Variants in TRPM2 observed in about 807,000 individuals in gnomAD.
TRPM2 encodes estrogen-responsive element-associated gene 1 protein.
Under a neutral mutation model 174.0 loss-of-function variants are expected in TRPM2, and 161 were observed. The observed-to-expected ratio is 0.93, with a 90% CI of 0.81 to 1.05. The LOEUF (loss-of-function observed/expected upper bound fraction) is 1.05, where lower values mean the gene tolerates loss of function less well. TRPM2 is among the 50% of genes least tolerant of loss of function. The pLI, the probability that TRPM2 is intolerant of heterozygous loss-of-function variation, is 0.00. For synonymous variants in TRPM2, 954 were observed against 861.3 expected (o/e 1.11, Z -1.88); for missense variants, 2,057 against 2,038.0 (o/e 1.01, Z -0.18).
upstream of TRPM2, among the ~76,000 whole-genome samples, chr21:44,352,449 G>T (rs1445102630): frequency 6.6e-6 from 1 of 152,262 alleles, no homozygotes; most frequent in East Asian, 1.9e-4. Context: ...GAGGGGCTCA[G>T]TCACCTAATG....
At chr21:44,426,899 C>A in intron 26 of TRPM2, 111 bp from the exon 27 acceptor site, 2 of 1,348,598 alleles carry the variant, frequency 1.5e-6, no homozygotes, top group Non-Finnish European at 2.1e-6. Context: ...TGTGTACACC[C>A]AGCCTGCAGC....
At chr21:44,422,203 G>A in intron 22 of TRPM2, 2 of 1,503,038 alleles carry the variant, frequency 1.3e-6, no homozygotes, top group Non-Finnish European at 1.8e-6. Context: ...GGAGGCGCAT[G>A]AGTGTGGGGT....
chr21:44,361,984 C>T (rs138390301), intron 2 of TRPM2, among the ~76,000 whole-genome samples: 111 of 152,358 alleles, frequency 7.3e-4, no homozygotes, highest in Admixed American at 6.5e-4. Flanking sequence ...GTTCGGATTA[C>T]AGGCGTGAGC....
In TRPM2 at chr21:44,441,644, C is replaced by T. The variant is rs780215011; in HGVS notation, c.4387-48C>T. ...CTGCAGTCCGTAGGGCTCAGCTGGGCAGAGGCAGGGCTGGCGGGGAGGGTC... is the reference window on the plus strand; with the variant it reads ...CTGCAGTCCGTAGGGCTCAGCTGGGTAGAGGCAGGGCTGGCGGGGAGGGTC... On this transcript the variant is annotated intron_variant, in intron 31 of 31. Coordinates refer to ENST00000397928, the MANE Select transcript of TRPM2 (RefSeq NM_003307.4). The T allele has an allele frequency of 3.8e-6, 6 of 1,572,498 alleles. No individual in the cohort carries two copies. The Admixed American group carries it at 5.2e-5, about 14-fold the overall frequency.
rs1464030736 is a variant in TRPM2, at chr21:44,406,019, C to A, written c.2772C>A (p.Ile924=). ...TCAGTAAGACGCTGGGGCCCAAGAT[C>A]ATCATTGTGAAGCGGATGGTAAGGG... ...FTISKTLGPK[I]IIVKRMMKDV... The change falls in exon 18 of 32, where the codon ATC becomes ATA. Residue 924 remains isoleucine, a synonymous_variant. Transcript: ENST00000397928. 5.0e-6 allele frequency: 8 copies of A among 1,607,402 alleles called. No individual in the cohort carries two copies. The highest frequency in any genetic ancestry group is 8.5e-7 in the Non-Finnish European group (1 of 1,179,716).
chr21:44,395,607 T>G, intron 12 of TRPM2, 56 bp downstream of exon 12: 2 of 1,604,294 alleles, frequency 1.2e-6, no homozygotes, highest in South Asian at 1.1e-5. Context: ...AGCGGCCAGC[T>G]GGGGAGTGTG....
Position 44,397,752 on chromosome 21 carries a change from G to A in TRPM2, c.1938G>A (p.Gln646=). The change falls in exon 13 of 32, where the codon CAG becomes CAA. Residue 646 remains glutamine (Q), a synonymous_variant. Coordinates refer to ENST00000397928, the MANE Select transcript of TRPM2 (RefSeq NM_003307.4). ...ELAGIIWAQS[Q]DCIAAALACS... ...GTGGCTCCTCTGGTCCCCAGAGCCA[G>A]GACTGCATCGCAGCGGCCTTGGCCT... The A allele has an allele frequency of 3.2e-6, 5 of 1,585,238 alleles. No homozygotes were observed. Among genetic ancestry groups the A allele is most frequent in the Non-Finnish European group, 4.3e-6 (5 of 1,164,582 alleles).
chr21:44,438,376 C>T lies in TRPM2; in HGVS notation c.4168-691C>T, dbSNP rs371888076. On this transcript the variant is annotated intron_variant, in intron 29 of 31. Coordinates refer to ENST00000397928, the MANE Select transcript of TRPM2 (RefSeq NM_003307.4). The surrounding 1 kb of genome is among the most constrained non-coding windows in gnomAD (Gnocchi z 5.9). ...CATCCCTGTCAGCTCAGGCTGGTCA[C>T]TGAGAGGGGCACTCTGAGGGGCCTC... 2.0e-3 allele frequency among the ~76,000 whole-genome samples: 310 copies of T among 152,326 alleles called. 1 individual carries two copies. The highest frequency in any genetic ancestry group is 7.3e-3 in the African/African-American group (302 of 41,578).
intron 19 of TRPM2, 62 bp from the exon 20 acceptor site, chr21:44,413,829 G>A: frequency 1.3e-6 from 2 of 1,559,868 alleles, no homozygotes; most frequent in Non-Finnish European, 1.7e-6. Flanking sequence ...GCCCCCTCCT[G>A]CCAAGCTCCT....
At chr21:44,413,811 C>T (rs546455276) in intron 19 of TRPM2, 80 bp from the exon 20 acceptor site, 1 of 1,504,150 alleles carries the variant, frequency 6.6e-7, no homozygotes, top group Non-Finnish European at 9.1e-7. Context: ...TGACTGGAGG[C>T]CTCGAGGGCC....
chr21:44,404,138 AAC>A (rs57682418), intron 16 of TRPM2, among the ~76,000 whole-genome samples: 11 of 151,856 alleles, frequency 7.2e-5, no homozygotes, highest in Non-Finnish European at 1.0e-4. Context: ...TACACATATG[AAC>A]ACACACATAC....
At chr21:44,426,966 C>A (rs760423594) in intron 26 of TRPM2, 44 bp from the exon 27 acceptor site, 87 of 1,539,742 alleles carry the variant, frequency 5.7e-5, no homozygotes, top group Non-Finnish European at 7.2e-5. Flanking sequence ...CTCTGTCCCA[C>A]CTGCAACACG....
intron 15 of TRPM2, among the ~76,000 whole-genome samples, chr21:44,400,606 C>A (rs1445047021): frequency 1.3e-5 from 2 of 152,220 alleles, no homozygotes; most frequent in African/African-American, 2.4e-5. Context: ...CTGATGAGCC[C>A]GTCCCTCAGC....
chr21:44,396,872 C>A (rs868093388), intron 12 of TRPM2, among the ~76,000 whole-genome samples: 6 of 24,366 alleles, frequency 2.5e-4, no homozygotes, highest in Admixed American at 1.2e-3. Flanking sequence ...GTGTGGAGGG[C>A]TGTGGAGGGG....
rs576273331 is a variant in TRPM2, at chr21:44,392,436, T to A, written c.1794+811T>A. ...CCACACCCAGCTTTTTTTTTTTTTT[T>A]ATAATATTTTGTTGAGATGGGGTCT... On this transcript the variant is annotated intron_variant, in intron 11 of 31. Transcript: ENST00000397928. Among the ~76,000 whole-genome samples the A allele has an allele frequency of 3.1e-3, 472 of 151,468 alleles. 2 individuals carry two copies. Among genetic ancestry groups the A allele is most frequent in the African/African-American group, 0.011 (449 of 41,280 alleles).
chr21:44,441,567 C>G (rs1359467112), intron 31 of TRPM2, 125 bp from the exon 32 acceptor site: 2 of 1,290,558 alleles, frequency 1.5e-6, no homozygotes, highest in African/African-American at 3.0e-5. Context: ...GTCCTGCCTC[C>G]CATTTCACAG....
intron 2 of TRPM2, among the ~76,000 whole-genome samples, chr21:44,356,290 T>G (rs368761107): frequency 6.6e-6 from 1 of 151,194 alleles, no homozygotes; most frequent in Non-Finnish European, 1.5e-5. Flanking sequence ...GAGACAGTGA[T>G]GAAGAGCCCC....
chr21:44,357,156 C>T lies in TRPM2; in HGVS notation c.254+2420C>T, dbSNP rs138652243. On this transcript the variant is annotated intron_variant, in intron 2 of 31. Transcript: ENST00000397928. Reference sequence around the variant, plus strand: ...CAGGTTTCAGCCTCATTTCACCCAGCGCCTATTCAAGATGGGACTCACTCT... The same window carrying T: ...CAGGTTTCAGCCTCATTTCACCCAGTGCCTATTCAAGATGGGACTCACTCT... 3.6e-4 allele frequency among the ~76,000 whole-genome samples: 55 copies of T among 152,310 alleles called. 1 individual carries two copies. Among genetic ancestry groups the T allele is most frequent in the Admixed American group, 2.2e-3 (33 of 15,298 alleles).
intron 4 of TRPM2, among the ~76,000 whole-genome samples, chr21:44,368,673 C>T (rs2048431059): frequency 6.6e-6 from 1 of 152,106 alleles, no homozygotes; most frequent in East Asian, 1.9e-4. Context: ...CTCAGGTGAT[C>T]TGCCCGCCTC....
Sources: allele counts gnomAD v4.1 joint callset (sites outside exome capture counted in the v4.1 genomes callset), GRCh38; gene constraint gnomAD v4.1.1; non-coding constraint Gnocchi (gnomAD v3.1); transcripts MANE v1.5; gene names NCBI Gene and HGNC (gene_info 2026-07-23, HGNC 2026-07-21).